MXI1: variants seen among roughly 807,000 people sequenced by gnomAD.
MXI1 encodes MAX interactor 1, dimerization protein.
MXI1 carries 18 observed loss-of-function variants against 36.9 expected under a neutral mutation model. That is an observed-to-expected ratio of 0.49 (90% CI 0.34 to 0.72). The LOEUF (loss-of-function observed/expected upper bound fraction) is 0.72. Among genes scored for constraint, MXI1 ranks in the 30% least tolerant of loss-of-function variants. The pLI, the probability that MXI1 is intolerant of heterozygous loss-of-function variation, is 0.01. For synonymous variants in MXI1, 160 were observed against 146.7 expected (o/e 1.09, Z -0.65); for missense variants, 304 against 379.1 (o/e 0.80, Z 1.64).
chr10:110,270,967 C>G (rs1856833524), intron 3 of MXI1, among the ~76,000 whole-genome samples: 1 of 152,038 alleles, frequency 6.6e-6, no homozygotes, highest in African/African-American at 2.4e-5. Context: ...TGGCACATGC[C>G]TGTAATCCCA....
At chr10:110,271,729 A>G (rs1386811928) in intron 3 of MXI1, among the ~76,000 whole-genome samples, 1 of 152,222 alleles carries the variant, frequency 6.6e-6, no homozygotes, top group Middle Eastern at 3.2e-3. Flanking sequence ...TAAAGATTAT[A>G]CTACTGACAA....
intron 2 of MXI1, among the ~76,000 whole-genome samples, chr10:110,232,433 T>C (rs912352158): frequency 6.6e-6 from 1 of 152,222 alleles, no homozygotes; most frequent in Non-Finnish European, 1.5e-5. Context: ...TCCTCAGGAA[T>C]GTTTCCTCAT....
chr10:110,283,024 T>C (rs866589233), intron 5 of MXI1, among the ~76,000 whole-genome samples: 4 of 152,158 alleles, frequency 2.6e-5, no homozygotes, highest in Non-Finnish European at 5.9e-5. Context: ...TTTTGGATAG[T>C]GTGCCTTGTT....
At chr10:110,230,616 T>A (rs1410442741) in intron 2 of MXI1, among the ~76,000 whole-genome samples, 1 of 152,224 alleles carries the variant, frequency 6.6e-6, no homozygotes, top group African/African-American at 2.4e-5. Flanking sequence ...TAGAAATTAT[T>A]TCTCCTTTGC....
At chr10:110,243,247 A>G (rs1317918054) in intron 2 of MXI1, among the ~76,000 whole-genome samples, 1 of 152,080 alleles carries the variant, frequency 6.6e-6, no homozygotes, top group Non-Finnish European at 1.5e-5. Context: ...TTCTATCTGA[A>G]TTCTTGAAAC....
chr10:110,248,077 C>T (rs1355671944), intron 3 of MXI1, among the ~76,000 whole-genome samples: 1 of 152,294 alleles, frequency 6.6e-6, no homozygotes, highest in African/African-American at 2.4e-5. Context: ...CCATCATTCT[C>T]AGCAAACTAT....
At chr10:110,271,828 C>A (rs1411329320) in intron 3 of MXI1, among the ~76,000 whole-genome samples, 1 of 152,170 alleles carries the variant, frequency 6.6e-6, no homozygotes, top group Non-Finnish European at 1.5e-5. Context: ...AGTGGCACTT[C>A]ATGTTCTTCA....
At chr10:110,232,820 T>C (rs756020301) in intron 2 of MXI1, among the ~76,000 whole-genome samples, 7 of 152,176 alleles carry the variant, frequency 4.6e-5, no homozygotes, top group Non-Finnish European at 1.0e-4. Flanking sequence ...AATGATACAT[T>C]TGGAAAAACA....
intron 5 of MXI1, among the ~76,000 whole-genome samples, chr10:110,283,353 T>A (rs908161361): frequency 6.6e-6 from 1 of 151,558 alleles, no homozygotes; most frequent in Non-Finnish European, 1.5e-5. Flanking sequence ...AACCTCTGCC[T>A]CCTAAGTTCA....
At chr10:110,231,104 C>T (rs756917786) in intron 2 of MXI1, among the ~76,000 whole-genome samples, 2 of 152,116 alleles carry the variant, frequency 1.3e-5, no homozygotes, top group South Asian at 2.1e-4. Context: ...CAGTGGCTCA[C>T]GCCTGTAATT....
intron 3 of MXI1, among the ~76,000 whole-genome samples, chr10:110,274,080 C>T (rs1027597312): frequency 6.6e-6 from 1 of 152,118 alleles, no homozygotes; most frequent in Non-Finnish European, 1.5e-5. Flanking sequence ...CCATTTTATA[C>T]CAAAATCATT....
intron 1 of MXI1, among the ~76,000 whole-genome samples, chr10:110,225,356 G>C (rs1052067978): frequency 1.3e-5 from 2 of 152,150 alleles, no homozygotes; most frequent in East Asian, 3.8e-4. Flanking sequence ...GAGGAGAGGA[G>C]AAAGTTTTAA....
chr10:110,208,737 G>GCCC, intron 1 of MXI1: 3 of 105,788 alleles, frequency 2.8e-5, no homozygotes, highest in African/African-American at 1.2e-4. Flanking sequence ...GGGTGCCACC[G>GCCC]CCGCCCCCCC....
At chr10:110,261,086 C>T (rs1156337114) in intron 3 of MXI1, 1 of 984,968 alleles carries the variant, frequency 1.0e-6, no homozygotes. Flanking sequence ...AAACAAGGAG[C>T]ACAGCTTAGC....
intron 1 of MXI1, among the ~76,000 whole-genome samples, chr10:110,212,886 G>A (rs188316838): frequency 6.6e-6 from 1 of 152,272 alleles, no homozygotes; most frequent in Non-Finnish European, 1.5e-5. Flanking sequence ...ACCTTTACAA[G>A]GAGTTTATTA....
At chr10:110,271,919 T>G (rs1231653002) in intron 3 of MXI1, among the ~76,000 whole-genome samples, 1 of 152,204 alleles carries the variant, frequency 6.6e-6, no homozygotes, top group Non-Finnish European at 1.5e-5. Flanking sequence ...GTGACTATTT[T>G]GTCATCATTA....
intron 2 of MXI1, among the ~76,000 whole-genome samples, chr10:110,235,844 C>G (rs1037864260): frequency 2.0e-5 from 3 of 149,442 alleles, no homozygotes; most frequent in Non-Finnish European, 3.0e-5. Context: ...CCCGTCTCTA[C>G]TAAAACACAA....
intron 2 of MXI1, 57 bp from the exon 3 acceptor site, chr10:110,244,771 T>G: frequency 6.8e-7 from 1 of 1,477,928 alleles, no homozygotes; most frequent in Non-Finnish European, 9.3e-7. Flanking sequence ...TAATCTGTCT[T>G]TCTATAGCTT....
chr10:110,277,803 C>G (rs1857089100), intron 3 of MXI1, among the ~76,000 whole-genome samples: 1 of 152,162 alleles, frequency 6.6e-6, no homozygotes, highest in Admixed American at 6.5e-5. Context: ...TTAGCCAAAC[C>G]TCTGACCTCA....
Sources: gnomAD v4.1 joint callset for allele counts (sites outside exome capture counted in the v4.1 genomes callset) on GRCh38, gnomAD v4.1.1 for gene constraint, MANE v1.5 for transcripts, NCBI Gene and HGNC (gene_info 2026-07-23, HGNC 2026-07-21) for gene names.